The following GRID2 variants were observed in gnomAD, a reference collection of about 807,000 sequenced individuals.
GRID2 encodes glutamate ionotropic receptor delta type subunit 2, also known as glutamate receptor ionotropic, delta-2.
In GRID2, 33 loss-of-function variants were observed where a neutral mutation model predicts 114.8. That is an observed-to-expected ratio of 0.29 (90% CI 0.22 to 0.38). The LOEUF (loss-of-function observed/expected upper bound fraction) is 0.38, where lower values mean the gene tolerates loss of function less well. Among genes scored for constraint, GRID2 ranks in the 10% least tolerant of loss-of-function variants. The pLI is 1.00. For missense variants in GRID2, 1,184 were observed against 1,257.7 expected, an observed-to-expected ratio of 0.94 and a Z score of 0.89; for synonymous variants, 505 against 449.9, an observed-to-expected ratio of 1.12 and a Z score of -1.55.
chr4:93,047,323 C>A (rs747109476), intron 2 of GRID2, among the ~76,000 whole-genome samples: 5 of 151,974 alleles, frequency 3.3e-5, no homozygotes, highest in African/African-American at 1.2e-4. Flanking sequence ...AAACTGTGAA[C>A]TTTAGTTAAC....
chr4:92,318,290 G>GTATATA (rs1553923538), intron 1 of GRID2, among the ~76,000 whole-genome samples: 16 of 104,126 alleles, frequency 1.5e-4, no homozygotes, highest in Non-Finnish European at 2.2e-4. Flanking sequence ...ATATATGTGT[G>GTATATA]TATATATATA....
rs148652897 is a variant in GRID2, at chr4:92,375,005, G to C, written c.88+70261G>C. On this transcript the variant is annotated intron_variant, in intron 1 of 15. Transcript: ENST00000282020. Reference sequence around the variant, plus strand: ...GAGAATAAACCAGACAGCAAGAGGGGTATATGTGAGTACTGCAATCTTTGA... The same window carrying C: ...GAGAATAAACCAGACAGCAAGAGGGCTATATGTGAGTACTGCAATCTTTGA... Among the ~76,000 whole-genome samples, 99 of 152,206 alleles carry C rather than the reference G, an allele frequency of 6.5e-4. 1 individual carries two copies. In the South Asian group the frequency reaches 0.011, roughly 18 times the overall value.
chr4:92,314,316 A>G (rs1334049530), intron 1 of GRID2, among the ~76,000 whole-genome samples: 1 of 152,114 alleles, frequency 6.6e-6, no homozygotes, highest in Non-Finnish European at 1.5e-5. Context: ...TCATTTGGTA[A>G]TGTACTAATT....
At chr4:92,630,711 GT>G (rs113914295) in intron 2 of GRID2, among the ~76,000 whole-genome samples, 2,061 of 152,124 alleles carry the variant, frequency 0.014, 50 homozygotes, top group African/African-American at 0.046. Context: ...TAGTTTGTCA[GT>G]TTCCTCTAGT....
At chr4:93,674,321 A>G (rs1378854911) in intron 14 of GRID2, among the ~76,000 whole-genome samples, 1 of 152,132 alleles carries the variant, frequency 6.6e-6, no homozygotes, top group Non-Finnish European at 1.5e-5. Context: ...TTTTTGGTTA[A>G]TTATATTGAA....
At chr4:92,540,485 T>C (rs980057634) in intron 1 of GRID2, among the ~76,000 whole-genome samples, 21 of 152,080 alleles carry the variant, frequency 1.4e-4, no homozygotes, top group Non-Finnish European at 2.6e-4. Context: ...GGGCAAAGGA[T>C]ATGAACAGAC....
chr4:93,622,673 T>C (rs912011676), intron 13 of GRID2, among the ~76,000 whole-genome samples: 7 of 152,160 alleles, frequency 4.6e-5, no homozygotes, highest in African/African-American at 1.7e-4. Context: ...CAATACCTCA[T>C]GGTTTGGTTG....
At chr4:93,192,249 G>C (rs1741053847) in intron 4 of GRID2, among the ~76,000 whole-genome samples, 1 of 152,040 alleles carries the variant, frequency 6.6e-6, no homozygotes, top group African/African-American at 2.4e-5. Flanking sequence ...CTCACCGAAA[G>C]AACTTGAAAA....
intron 2 of GRID2, among the ~76,000 whole-genome samples, chr4:92,620,644 T>A (rs1206297176): frequency 6.6e-6 from 1 of 151,758 alleles, no homozygotes; most frequent in Admixed American, 6.6e-5. Context: ...ATGAGTTTTA[T>A]GTAAATTATT....
intron 1 of GRID2, among the ~76,000 whole-genome samples, chr4:92,468,923 G>A (rs1406096624): frequency 6.6e-6 from 1 of 152,148 alleles, no homozygotes; most frequent in South Asian, 2.1e-4. Flanking sequence ...GGTAGTTCCA[G>A]AGACAAGGCA....
At chr4:92,605,646 G>A (rs766612766) in intron 2 of GRID2, among the ~76,000 whole-genome samples, 1 of 152,184 alleles carries the variant, frequency 6.6e-6, no homozygotes, top group African/African-American at 2.4e-5. Context: ...AAAATATGAA[G>A]GGAATAGCAT....
At chr4:93,098,448 T>C (rs1031366677) in intron 3 of GRID2, among the ~76,000 whole-genome samples, 1 of 151,958 alleles carries the variant, frequency 6.6e-6, no homozygotes, top group Admixed American at 6.6e-5. Flanking sequence ...TGACAATGGC[T>C]AGATGCCATA....
At chr4:92,641,301 T>G (rs1036283741) in intron 2 of GRID2, among the ~76,000 whole-genome samples, 7 of 151,712 alleles carry the variant, frequency 4.6e-5, no homozygotes, top group African/African-American at 1.7e-4. Flanking sequence ...TTTATTAAAT[T>G]TAATTTTTTT....
intron 1 of GRID2, among the ~76,000 whole-genome samples, chr4:92,385,917 T>C (rs1729937253): frequency 6.7e-6 from 1 of 149,062 alleles, no homozygotes; most frequent in South Asian, 2.1e-4. Flanking sequence ...TATATATATA[T>C]ATATATATGA....
At chr4:92,966,822 G>C (rs1390256055) in intron 2 of GRID2, among the ~76,000 whole-genome samples, 1 of 151,820 alleles carries the variant, frequency 6.6e-6, no homozygotes. Context: ...AACCAATAAA[G>C]GCTCTGTGTG....
At chr4:92,919,497 A>C (rs1749120165) in intron 2 of GRID2, among the ~76,000 whole-genome samples, 1 of 152,136 alleles carries the variant, frequency 6.6e-6, no homozygotes, top group Non-Finnish European at 1.5e-5. Flanking sequence ...TTAGTGCTAT[A>C]AGTTTCCCTC....
chr4:92,304,601 G>GA lies in GRID2; in HGVS notation c.-44dup, dbSNP rs879537573. On this transcript the variant is annotated 5_prime_UTR_variant, in exon 1 of 16. Coordinates refer to ENST00000282020, the MANE Select transcript of GRID2 (RefSeq NM_001510.4). Reference sequence around the variant, plus strand: ...TGACCTCAAACTCTTTGGACTGTTTGAAAAAAAAAAAATTGGAAGAAAATC... The same window carrying GA: ...TGACCTCAAACTCTTTGGACTGTTTGAAAAAAAAAAAAATTGGAAGAAAATC... 99,441 of 796,434 alleles carry GA rather than the reference G, an allele frequency of 0.12. 3 individuals carry two copies. Among genetic ancestry groups the GA allele is most frequent in the East Asian group, 0.15 (3,426 of 23,376 alleles). The allele number at this position is 796,434 out of a possible 1,614,324, so 49.3% of individuals were successfully genotyped here. A position where few individuals can be genotyped will look rare whatever the true frequency, so the allele number is the denominator to read the frequency against.
chr4:92,517,897 G>A (rs956206908), intron 1 of GRID2, among the ~76,000 whole-genome samples: 1 of 151,422 alleles, frequency 6.6e-6, no homozygotes, highest in South Asian at 2.1e-4. Context: ...TTTCAGATAG[G>A]CAAAAACAAA....
At chr4:92,953,119 A>T (rs1752149013) in intron 2 of GRID2, among the ~76,000 whole-genome samples, 1 of 152,136 alleles carries the variant, frequency 6.6e-6, no homozygotes, top group Admixed American at 6.6e-5. Flanking sequence ...GCCCACTCTA[A>T]TGATCTCACC....
Sources: allele counts gnomAD v4.1 joint callset (sites outside exome capture counted in the v4.1 genomes callset), GRCh38; gene constraint gnomAD v4.1.1; transcripts MANE v1.5; gene names NCBI Gene and HGNC (gene_info 2026-07-23, HGNC 2026-07-21).